Variants in TUSC3 observed in about 807,000 individuals in gnomAD.
TUSC3 encodes the protein dolichyl-diphosphooligosaccharide--protein glycosyltransferase subunit TUSC3.
TUSC3 carries 45 observed loss-of-function variants against 44.8 expected under a neutral mutation model. The observed-to-expected ratio is 1.00, with a 90% confidence interval of 0.79 to 1.29. The LOEUF (loss-of-function observed/expected upper bound fraction) is 1.29. Among genes scored for constraint, TUSC3 ranks in the 50% most tolerant of loss-of-function variants. The pLI, the probability that TUSC3 is intolerant of heterozygous loss-of-function variation, is 0.00. For synonymous variants in TUSC3, 212 were observed against 152.9 expected, an observed-to-expected ratio of 1.39 and a Z score of -2.85; for missense variants, 519 against 437.9, an observed-to-expected ratio of 1.19 and a Z score of -1.65.
At chr8:15,438,691 G>A (rs575171449) in intron 1 of TUSC3, among the ~76,000 whole-genome samples, 1 of 152,290 alleles carries the variant, frequency 6.6e-6, no homozygotes, top group Non-Finnish European at 1.5e-5. Flanking sequence ...CAGGCATAAT[G>A]TTCTGTAGAA....
chr8:15,544,194 A>G (rs1413958941), intron 1 of TUSC3, among the ~76,000 whole-genome samples: 1 of 152,104 alleles, frequency 6.6e-6, no homozygotes, highest in Admixed American at 6.5e-5. Context: ...TTAGTAGTGT[A>G]TCATTTGCCT....
the TUSC3 span, among the ~76,000 whole-genome samples, chr8:15,794,572 T>C: frequency 3.9e-5 from 6 of 152,184 alleles, no homozygotes. Context: ...AGATAAAGGA[T>C]GGTTTATTAC....
At chr8:15,674,510 AC>A (rs1229271970) in intron 6 of TUSC3, among the ~76,000 whole-genome samples, 1 of 151,980 alleles carries the variant, frequency 6.6e-6, no homozygotes. Context: ...TGGAAAAGAT[AC>A]GTATTTTGAG....
At chr8:15,738,773 A>AC (rs1168173926) in intron 7 of TUSC3, among the ~76,000 whole-genome samples, 2 of 151,028 alleles carry the variant, frequency 1.3e-5, no homozygotes, top group African/African-American at 4.9e-5. Flanking sequence ...TATTATACAA[A>AC]CATATACATC....
intron 2 of TUSC3, among the ~76,000 whole-genome samples, chr8:15,501,321 T>C (rs1282348517): frequency 6.6e-6 from 1 of 152,168 alleles, no homozygotes; most frequent in African/African-American, 2.4e-5. Flanking sequence ...CATGAATCCT[T>C]CTTGGAACCC....
At chr8:15,544,691 G>T (rs2129134088) in intron 1 of TUSC3, among the ~76,000 whole-genome samples, 1 of 151,822 alleles carries the variant, frequency 6.6e-6, no homozygotes, top group East Asian at 2.0e-4. Flanking sequence ...GAGGAGGGAG[G>T]TAAGCAATGG....
intron 2 of TUSC3, among the ~76,000 whole-genome samples, chr8:15,499,005 A>ATTTTTTTCT (rs1800920504): frequency 6.6e-6 from 1 of 151,676 alleles, no homozygotes; most frequent in South Asian, 2.1e-4. Context: ...GTAGGTAGTT[A>ATTTTTTTCT]TTTTTTTCTT....
At chr8:15,455,534 GCA>G (rs1225869416) in intron 1 of TUSC3, among the ~76,000 whole-genome samples, 3 of 151,860 alleles carry the variant, frequency 2.0e-5, no homozygotes, top group African/African-American at 7.3e-5. Flanking sequence ...ACATACAGAG[GCA>G]CACATATATA....
chr8:15,742,820 G>A (rs957593098), intron 7 of TUSC3, among the ~76,000 whole-genome samples: 1 of 152,214 alleles, frequency 6.6e-6, no homozygotes, highest in East Asian at 1.9e-4. Context: ...GAAAAATGTT[G>A]TAATGACATG....
intron 1 of TUSC3, among the ~76,000 whole-genome samples, chr8:15,436,954 G>T (rs1252868512): frequency 6.6e-6 from 1 of 152,092 alleles, no homozygotes; most frequent in African/African-American, 2.4e-5. Context: ...AAGCAAATTA[G>T]AATTTATAGC....
At chr8:15,608,198 C>G (rs1804614906) in intron 1 of TUSC3, among the ~76,000 whole-genome samples, 1 of 152,098 alleles carries the variant, frequency 6.6e-6, no homozygotes, top group Non-Finnish European at 1.5e-5. Context: ...CATAGCTTCT[C>G]TTTTCCTGAG....
At chr8:15,467,723 C>G (rs185628430) in intron 1 of TUSC3, among the ~76,000 whole-genome samples, 107 of 152,262 alleles carry the variant, frequency 7.0e-4, no homozygotes, top group South Asian at 5.8e-3. Context: ...CTTTGACCAT[C>G]TAATGTTCTT....
In TUSC3 at chr8:15,483,104, C is replaced by T. The variant is rs189633276; in HGVS notation, n.92-282C>T. 1.9e-3 allele frequency among the ~76,000 whole-genome samples: 284 copies of T among 151,852 alleles called. 1 individual carries two copies. Among genetic ancestry groups the T allele is most frequent in the African/African-American group, 6.3e-3 (261 of 41,402 alleles). On this transcript the variant is annotated intron_variant and non_coding_transcript_variant, in intron 1 of 5. Transcript: ENST00000503191. ...TACACATTGAACAGGAAAAGAGAAACGGGAAGAAAAGAATAATTTGAGAGG... is the reference window on the plus strand; with the variant it reads ...TACACATTGAACAGGAAAAGAGAAATGGGAAGAAAAGAATAATTTGAGAGG...
the TUSC3 span, among the ~76,000 whole-genome samples, chr8:15,807,681 C>T: frequency 2.6e-5 from 4 of 152,258 alleles, no homozygotes; most frequent in East Asian, 5.8e-4. Flanking sequence ...TACTAAACAC[C>T]ATACAAAAGA....
intron 1 of TUSC3, among the ~76,000 whole-genome samples, chr8:15,451,080 A>G (rs1800192538): frequency 6.6e-6 from 1 of 152,108 alleles, no homozygotes; most frequent in South Asian, 2.1e-4. Flanking sequence ...TCTAATCCAT[A>G]ATGCTGGGTC....
At chr8:15,577,994 C>T (rs1381157499) in intron 1 of TUSC3, among the ~76,000 whole-genome samples, 2 of 149,360 alleles carry the variant, frequency 1.3e-5, no homozygotes, top group African/African-American at 4.9e-5. Flanking sequence ...TTTCCTTGAG[C>T]AGTGGTTTGT....
intron 1 of TUSC3, among the ~76,000 whole-genome samples, chr8:15,591,896 G>A (rs1217315747): frequency 6.6e-6 from 1 of 152,142 alleles, no homozygotes; most frequent in African/African-American, 2.4e-5. Flanking sequence ...AATCAAGGAG[G>A]TGACATGATC....
chr8:15,471,243 T>G (rs528200229), intron 1 of TUSC3, among the ~76,000 whole-genome samples: 1 of 152,346 alleles, frequency 6.6e-6, no homozygotes, highest in East Asian at 1.9e-4. Flanking sequence ...TAGCTCATGT[T>G]TATTTCAGTG....
At position 15,757,783 on chromosome 8, in the gene TUSC3, T is replaced by C. The variant is rs371128729; in HGVS notation, c.1029-8T>C. ...TATTGTTGTATTTCATTGTGGTGTA[T>C]TGGAAAGTGATCTGGACTTTGAGTG... is the stretch of plus-strand genomic sequence containing the variant. On this transcript the variant is annotated splice_region_variant and splice_polypyrimidine_tract_variant and intron_variant, in intron 9 of 10. Transcript: ENST00000503731. The C allele has an allele frequency of 6.2e-5, 92 of 1,480,316 alleles. No individual in the cohort carries two copies. Among genetic ancestry groups the C allele is most frequent in the African/African-American group, 4.3e-4 (31 of 72,220 alleles). The allele number at this position is 1,480,316 out of a possible 1,614,324, so 91.7% of individuals were successfully genotyped here.
Sources: gnomAD v4.1 joint callset for allele counts (sites outside exome capture counted in the v4.1 genomes callset) on GRCh38, gnomAD v4.1.1 for gene constraint, MANE v1.5 for transcripts, NCBI Gene and HGNC (gene_info 2026-07-23, HGNC 2026-07-21) for gene names.